The following KCNH1 variants were observed in gnomAD, a reference collection of about 807,000 sequenced individuals.
The protein encoded by KCNH1 is potassium voltage-gated channel subfamily H member 1.
In KCNH1, 27 loss-of-function variants were observed where a neutral mutation model predicts 69.2. The observed-to-expected ratio is 0.39, with a 90% CI of 0.29 to 0.54. The LOEUF (loss-of-function observed/expected upper bound fraction) is 0.54, where lower values mean the gene tolerates loss of function less well. Among genes scored for constraint, KCNH1 ranks in the 20% least tolerant of loss-of-function variants. KCNH1 has a pLI of 0.68. For missense variants in KCNH1, 798 were observed against 1,261.6 expected, an observed-to-expected ratio of 0.63 and a Z score of 5.57; for synonymous variants, 456 against 487.7, an observed-to-expected ratio of 0.93 and a Z score of 0.86.
chr1:210,920,285 C>T (rs991777158), intron 6 of KCNH1, among the ~76,000 whole-genome samples: 1 of 151,994 alleles, frequency 6.6e-6, no homozygotes, highest in South Asian at 2.1e-4. Context: ...AGCAAATAAG[C>T]AAGCACACAA....
At chr1:210,685,332 G>A (rs1318340331) in intron 10 of KCNH1, among the ~76,000 whole-genome samples, 2 of 152,104 alleles carry the variant, frequency 1.3e-5, no homozygotes, top group Non-Finnish European at 2.9e-5. Flanking sequence ...TAGAATTAGA[G>A]GAGAGGCCTG....
chr1:210,863,412 G>T (rs932416485), intron 7 of KCNH1, among the ~76,000 whole-genome samples: 8 of 152,178 alleles, frequency 5.3e-5, no homozygotes, highest in Non-Finnish European at 1.2e-4. Context: ...TTACTAGCAG[G>T]CTGCAATCTG....
At chr1:210,977,634 A>G (rs143770027) in intron 6 of KCNH1, among the ~76,000 whole-genome samples, 2 of 152,252 alleles carry the variant, frequency 1.3e-5, no homozygotes, top group East Asian at 1.9e-4. Context: ...TTTTATTTGT[A>G]TAGCTTTATA....
intron 6 of KCNH1, among the ~76,000 whole-genome samples, chr1:210,977,962 T>C (rs1688644281): frequency 6.6e-6 from 1 of 152,178 alleles, no homozygotes; most frequent in Admixed American, 6.6e-5. Flanking sequence ...TTTCAGTTAT[T>C]GTACTTTTCA....
chr1:211,126,687 CAAA>C (rs71571980), intron 1 of KCNH1, among the ~76,000 whole-genome samples: 3 of 64,930 alleles, frequency 4.6e-5, no homozygotes, highest in Admixed American at 1.8e-4. Context: ...TATAATATCT[CAAA>C]AAAAAAAAAA....
intron 7 of KCNH1, among the ~76,000 whole-genome samples, chr1:210,851,637 T>C (rs1453192379): frequency 6.6e-6 from 1 of 152,198 alleles, no homozygotes; most frequent in Non-Finnish European, 1.5e-5. Context: ...CATCATAGAG[T>C]ATACTCATAT....
At chr1:210,859,229 G>A in intron 7 of KCNH1, 3 of 1,612,224 alleles carry the variant, frequency 1.9e-6, no homozygotes, top group South Asian at 2.2e-5. Context: ...CACAACTGGA[G>A]CACTGAATTT....
intron 8 of KCNH1, 59 bp downstream of exon 8, chr1:210,803,908 C>T: frequency 6.7e-7 from 1 of 1,499,954 alleles, no homozygotes; most frequent in Non-Finnish European, 9.2e-7. Flanking sequence ...AGGCAAGCCT[C>T]AACCCTCCTA....
chr1:210,791,907 T>TA (rs536340976), intron 9 of KCNH1, among the ~76,000 whole-genome samples: 1 of 151,892 alleles, frequency 6.6e-6, no homozygotes, highest in Admixed American at 6.6e-5. Flanking sequence ...GGTGTCCTTC[T>TA]AAAAAAAATA....
chr1:210,846,247 A>G (rs1022355301), intron 7 of KCNH1, among the ~76,000 whole-genome samples: 2 of 152,142 alleles, frequency 1.3e-5, no homozygotes, highest in African/African-American at 4.8e-5. Flanking sequence ...TTGATATGGA[A>G]CCAAAAAAGA....
At chr1:211,097,875 G>T (rs1182017781) in intron 3 of KCNH1, among the ~76,000 whole-genome samples, 1 of 152,240 alleles carries the variant, frequency 6.6e-6, no homozygotes, top group Non-Finnish European at 1.5e-5. Flanking sequence ...ACATGCTGGG[G>T]AGTGTTGTCT....
chr1:211,085,165 C>A (rs139138812), intron 4 of KCNH1, among the ~76,000 whole-genome samples: 13 of 152,188 alleles, frequency 8.5e-5, no homozygotes, highest in South Asian at 2.1e-4. Flanking sequence ...AGGAACAGCA[C>A]CTACAAAGGC....
chr1:211,033,610 T>C (rs1376006989), intron 5 of KCNH1, among the ~76,000 whole-genome samples: 3 of 152,226 alleles, frequency 2.0e-5, no homozygotes, highest in Non-Finnish European at 2.9e-5. Flanking sequence ...TCATGTCCTT[T>C]GTAGGGAAAT....
intron 3 of KCNH1, among the ~76,000 whole-genome samples, chr1:211,098,431 A>G (rs1691198763): frequency 6.6e-6 from 1 of 152,216 alleles, no homozygotes; most frequent in African/African-American, 2.4e-5. Flanking sequence ...CCGAATGGCC[A>G]ATAGATAGAA....
At chr1:211,013,291 T>C (rs1476180382) in intron 6 of KCNH1, among the ~76,000 whole-genome samples, 2 of 152,166 alleles carry the variant, frequency 1.3e-5, no homozygotes, top group Non-Finnish European at 2.9e-5. Context: ...GGTGAGGCCA[T>C]TCACCCAGGA....
At chr1:210,907,065 A>G (rs921407797) in intron 7 of KCNH1, among the ~76,000 whole-genome samples, 8 of 152,222 alleles carry the variant, frequency 5.3e-5, no homozygotes, top group Admixed American at 1.3e-4. Context: ...ACTTTCTTGC[A>G]AATTATGTAT....
At chr1:210,989,366 C>A (rs553568931) in intron 6 of KCNH1, among the ~76,000 whole-genome samples, 1 of 152,196 alleles carries the variant, frequency 6.6e-6, no homozygotes, top group Non-Finnish European at 1.5e-5. Context: ...TGTGAGTTTT[C>A]TTGTTATAGC....
At chr1:210,924,441 G>A (rs1687526967) in intron 6 of KCNH1, among the ~76,000 whole-genome samples, 1 of 152,136 alleles carries the variant, frequency 6.6e-6, no homozygotes, top group Non-Finnish European at 1.5e-5. Flanking sequence ...TGTGTACATT[G>A]ATACTCTATT....
chr1:210,811,624 C>T (rs1219953623), intron 7 of KCNH1, among the ~76,000 whole-genome samples: 1 of 152,086 alleles, frequency 6.6e-6, no homozygotes, highest in South Asian at 2.1e-4. Flanking sequence ...ATTCAGCCAG[C>T]CATTACAGCA....
Sources: allele counts gnomAD v4.1 joint callset (sites outside exome capture counted in the v4.1 genomes callset), GRCh38; gene constraint gnomAD v4.1.1; transcripts MANE v1.5; gene names NCBI Gene and HGNC (gene_info 2026-07-23, HGNC 2026-07-21).